APOB: variants seen among roughly 807,000 people sequenced by gnomAD.
The protein encoded by APOB is apolipoprotein B-100.
A neutral mutation model predicts 314.1 loss-of-function variants in APOB; 153 were observed. That is an observed-to-expected ratio of 0.49 (90% CI 0.43 to 0.56). The LOEUF (loss-of-function observed/expected upper bound fraction) is 0.56. Ranked by LOEUF, APOB falls within the 20% of genes least tolerant of loss-of-function variation. The pLI is 0.00. For synonymous variants in APOB, 2,087 were observed against 2,036.4 expected (o/e 1.02, Z -0.67); for missense variants, 5,430 against 5,350.7 (o/e 1.01, Z -0.46).
Position 21,002,394 on chromosome 2 carries a change from T to C in APOB, c.13028A>G (p.Tyr4343Cys), listed in dbSNP as rs1190583196. 6.2e-7 allele frequency: 1 copy of C among 1,601,992 alleles called. No individual in the cohort carries two copies. Among genetic ancestry groups the C allele is most frequent in the Non-Finnish European group, 8.5e-7 (1 of 1,173,962 alleles). The change falls in exon 29 of 29, where the codon TAT (tyrosine) becomes TGT (cysteine). Residue 4343 changes from tyrosine to cysteine, a missense_variant. Tyr to Cys is a radical substitution (Grantham distance 194, BLOSUM62 -2). Coordinates refer to ENST00000233242, the MANE Select transcript of APOB (RefSeq NM_000384.3). The stretch of plus-strand genomic sequence containing the variant: ...GTTTTCTTTCAACAATTTAAAAACA[T>C]ATGGGATATAATCACTGAAGATTGT... ...INTIFSDYIP[Y>C]VFKLLKENLC...
At position 21,009,349 on chromosome 2, in the gene APOB, G is replaced by A; in HGVS notation, c.7519C>T (p.His2507Tyr). 6.2e-7 allele frequency: 1 copy of A among 1,614,054 alleles called. No homozygotes were observed. The highest frequency in any genetic ancestry group is 8.5e-7 in the Non-Finnish European group (1 of 1,179,968). The change falls in exon 26 of 29, where the codon CAC (histidine) becomes TAC (tyrosine). Residue 2507 changes from histidine to tyrosine, a missense_variant. Physicochemically the swap from His to Tyr is moderately conservative, Grantham distance 83 (BLOSUM62 2). This residue lies in a region of APOB where 3,281 missense variants were observed against 3,171.0 expected (regional missense o/e 1.03). Coordinates refer to ENST00000233242, the MANE Select transcript of APOB (RefSeq NM_000384.3). Reference sequence around the variant, plus strand: ...GTCTCTCGGAATTTGGCCTTCATGTGAGCCAAAGATGCTGAACTTAAAGCC... The same window carrying A: ...GTCTCTCGGAATTTGGCCTTCATGTAAGCCAAAGATGCTGAACTTAAAGCC... ...QEALSSASLA[H>Y]MKAKFRETLE...
rs756001082 is a variant in APOB at position 21,035,707 on chromosome 2, G to T, written c.695C>A (p.Thr232Asn). 1.9e-6 allele frequency: 3 copies of T among 1,613,968 alleles called. No homozygotes were observed. The highest frequency in any genetic ancestry group is 2.5e-6 in the Non-Finnish European group (3 of 1,180,004). Reference sequence around the variant, plus strand: ...GCTGATCAGAGTTGACAAGGGGCGGGTCTATGAAAGAGATTGGAGACGAGC... The same window carrying T: ...GCTGATCAGAGTTGACAAGGGGCGGTTCTATGAAAGAGATTGGAGACGAGC... ...ISPLALIKGM[T>N]RPLSTLISSS... is the part of the protein sequence containing the mutation. Residue 232 changes from threonine to asparagine, a missense_variant and splice_region_variant, in exon 7 of 29, where the codon ACC (threonine) becomes AAC (asparagine). By Grantham distance (65) the Thr-to-Asn change is moderately conservative (BLOSUM62 0). Coordinates refer to ENST00000233242, the MANE Select transcript of APOB (RefSeq NM_000384.3).
chr2:21,041,148 C>A, intron 3 of APOB, 65 bp from the exon 4 acceptor site: 1 of 1,547,228 alleles, frequency 6.5e-7, no homozygotes, highest in Non-Finnish European at 8.8e-7. Flanking sequence ...CCCCTGAAGC[C>A]CAGGGCTTAA....
At position 21,011,738 on chromosome 2, in the gene APOB, C is replaced by T; in HGVS notation, c.5130G>A (p.Leu1710=). The stretch of plus-strand genomic sequence containing the variant: ...GAATCATGGCCTGATAAGCACTTCC[C>T]AGTGATAGCTCTGTGAGGGCGGCTT... ...DGKAALTELS[L]GSAYQAMILG... The change falls in exon 26 of 29, where the codon CTG becomes CTA. Residue 1710 remains leucine, a synonymous_variant. Transcript: ENST00000233242. The T allele has an allele frequency of 6.2e-7, 1 of 1,614,104 alleles. No individual in the cohort carries two copies. The highest frequency in any genetic ancestry group is 8.5e-7 in the Non-Finnish European group (1 of 1,180,020).
In APOB at chr2:21,001,550, C is replaced by T. The variant is rs12720763; in HGVS notation, c.*180G>A. 2.1e-4 allele frequency: 130 copies of T among 604,952 alleles called. 1 individual carries two copies. The highest frequency in any genetic ancestry group is 1.4e-3 in the South Asian group (65 of 46,594). 37.5% of individuals were successfully genotyped at this position (604,952 alleles called of 1,614,324 possible). Reference sequence around the variant, plus strand: ...CATCCTTCTGAGTTCAGAGACCTTCCGAGCCCTGGTGCCAGCTTTGGTGCA... The same window carrying T: ...CATCCTTCTGAGTTCAGAGACCTTCTGAGCCCTGGTGCCAGCTTTGGTGCA... On this transcript the variant is annotated 3_prime_UTR_variant, in exon 29 of 29. Coordinates refer to ENST00000233242, the MANE Select transcript of APOB (RefSeq NM_000384.3).
chr2:21,016,676 A>C (rs1021214511), intron 20 of APOB, 27 bp from the exon 21 acceptor site: 9 of 1,461,314 alleles, frequency 6.2e-6, no homozygotes, highest in Non-Finnish European at 8.6e-6. Flanking sequence ...GAGAATCAAG[A>C]GATGTGTGGT....
chr2:21,016,251 G>GCA (rs1663460669), intron 21 of APOB, among the ~76,000 whole-genome samples, 188 bp downstream of exon 21: 1 of 151,704 alleles, frequency 6.6e-6, no homozygotes, highest in Non-Finnish European at 1.5e-5. Context: ...TTGTGCCACT[G>GCA]CACTCCAGCC....
At chr2:21,034,925 T>C in intron 7 of APOB, 24 bp from the exon 8 acceptor site, 3 of 1,160,836 alleles carry the variant, frequency 2.6e-6, no homozygotes, top group Non-Finnish European at 3.9e-6. Context: ...AAGCACACCA[T>C]GTCACGGATG....
At position 21,012,155 on chromosome 2, in the gene APOB, T is replaced by C; in HGVS notation, c.4713A>G (p.Lys1571=). The change falls in exon 26 of 29, where the codon AAA becomes AAG. Residue 1571 remains lysine, a synonymous_variant. Coordinates refer to ENST00000233242, the MANE Select transcript of APOB (RefSeq NM_000384.3). ...LKYENYELTL[K]SDTNGKYKNF... is the part of the protein sequence containing the mutation. ...TCTTATACTTCCCATTGGTGTCAGATTTTAAAGTCAGCTCGTAGTTCTCAT... is the reference window on the plus strand; with the variant it reads ...TCTTATACTTCCCATTGGTGTCAGACTTTAAAGTCAGCTCGTAGTTCTCAT... 2 of 1,601,520 alleles carry C rather than the reference T, an allele frequency of 1.2e-6. No individual in the cohort carries two copies. The highest frequency in any genetic ancestry group is 1.1e-5 in the South Asian group (1 of 89,092).
At position 21,029,883 on chromosome 2, in the gene APOB, A is replaced by C; in HGVS notation, c.1470+15T>G. On this transcript the variant is annotated intron_variant, in intron 11 of 28. Transcript: ENST00000233242. The stretch of plus-strand genomic sequence containing the variant: ...CTTCTGAAATGATGTATGTCATATA[A>C]AAGACTGAGATTACCCGCAGAATCA... 1 of 1,610,210 alleles carries C rather than the reference A, an allele frequency of 6.2e-7. No individual in the cohort carries two copies. The highest frequency in any genetic ancestry group is 8.5e-7 in the Non-Finnish European group (1 of 1,176,832).
At chr2:21,036,546 G>C (rs1050837459) in intron 6 of APOB, among the ~76,000 whole-genome samples, 1 of 152,176 alleles carries the variant, frequency 6.6e-6, no homozygotes, top group Non-Finnish European at 1.5e-5. Flanking sequence ...AGTTAACAGA[G>C]AGGAGAGGGT....
intron 12 of APOB, among the ~76,000 whole-genome samples, chr2:21,028,925 G>A (rs1473308621): frequency 6.6e-6 from 1 of 152,144 alleles, no homozygotes; most frequent in Admixed American, 6.6e-5. Context: ...CAAAGTTCTG[G>A]AGTCTTTGCA....
At chr2:21,041,183 A>C in intron 3 of APOB, 100 bp from the exon 4 acceptor site, 2 of 1,278,724 alleles carry the variant, frequency 1.6e-6, no homozygotes, top group South Asian at 2.5e-5. Flanking sequence ...ACCAAAGGGA[A>C]TGGTGCTGGG....
rs200260789 is a variant in APOB at position 21,002,686 on chromosome 2, A to C, written c.12736T>G (p.Phe4246Val). 4.8e-5 allele frequency: 78 copies of C among 1,613,728 alleles called. No individual in the cohort carries two copies. Among genetic ancestry groups the C allele is most frequent in the Non-Finnish European group, 4.3e-5 (51 of 1,179,900 alleles). Residue 4246 changes from phenylalanine to valine, a missense_variant, in exon 29 of 29, where the codon TTC becomes GTC. This residue lies in a region of APOB where 3,281 missense variants were observed against 3,171.0 expected (regional missense o/e 1.03). Coordinates refer to ENST00000233242, the MANE Select transcript of APOB (RefSeq NM_000384.3). ...HNGSEILFSY[F>V]QDLVITLPFE... ...GGAAGTGTAATCACTAGGTCTTGGA[A>C]ATAGGAAAACAGTATTTCTGAACCA...
Position 21,002,743 on chromosome 2 carries a change from C to G in APOB, c.12679G>C (p.Val4227Leu), listed in dbSNP as rs568054660. 3.1e-6 allele frequency: 5 copies of G among 1,610,878 alleles called. No homozygotes were observed. In the South Asian group the frequency reaches 5.5e-5, roughly 18 times the overall value. Residue 4227 changes from valine (V) to leucine (L), a missense_variant, in exon 29 of 29, where the codon GTA (valine) becomes CTA (leucine). Val to Leu is a conservative substitution (Grantham distance 32). Transcript: ENST00000233242. ...ACTTTCGAATATACCTGGGACAGTA[C>G]CGTCCCTACCTCCCTTATGAACATA... Reference protein sequence around the residue: ...CTMFIREVGTVLSQVYSKVHN... With the variant: ...CTMFIREVGTLLSQVYSKVHN...
Position 21,002,635 on chromosome 2 carries a change from T to G in APOB, c.12787A>C (p.Ile4263Leu), listed in dbSNP as rs751291501. The G allele has an allele frequency of 6.2e-7, 1 of 1,613,794 alleles. No homozygotes were observed. The highest frequency in any genetic ancestry group is 1.3e-5 in the African/African-American group (1 of 74,904). ...TCCCTATACATCGAGATTACATCTA[T>G]TAGTTTATGTTTCCTTAACTCGAAA... ...LPFELRKHKL[I>L]DVISMYRELL... The change falls in exon 29 of 29, where the codon ATA (isoleucine) becomes CTA (leucine). Residue 4263 changes from isoleucine to leucine, a missense_variant. Ile to Leu is a conservative substitution (Grantham distance 5). Coordinates refer to ENST00000233242, the MANE Select transcript of APOB (RefSeq NM_000384.3).
chr2:21,001,633 C>A lies in APOB; in HGVS notation c.*97G>T. 1 of 1,257,536 alleles carries A rather than the reference C, an allele frequency of 8.0e-7. No individual in the cohort carries two copies. Among genetic ancestry groups the A allele is most frequent in the Non-Finnish European group, 1.1e-6 (1 of 874,000 alleles). The allele number at this position is 1,257,536 out of a possible 1,614,324, so 77.9% of individuals were successfully genotyped here. A position where few individuals can be genotyped will look rare whatever the true frequency, so the allele number is the denominator to read the frequency against. On this transcript the variant is annotated 3_prime_UTR_variant, in exon 29 of 29. Coordinates refer to ENST00000233242, the MANE Select transcript of APOB (RefSeq NM_000384.3). ...TACTGCCTACTGCAAGGCTGGCTCA[C>A]TGTATGGTTTTATCAATATAGGCAG... is the stretch of plus-strand genomic sequence containing the variant.
At chr2:21,013,090 T>G in intron 25 of APOB, 70 bp downstream of exon 25, 1 of 1,599,328 alleles carries the variant, frequency 6.3e-7, no homozygotes, top group East Asian at 2.2e-5. Flanking sequence ...CTTTCCTCCC[T>G]GGAGGAGGCT....
In APOB at chr2:21,008,524, T is replaced by G; in HGVS notation, c.8344A>C (p.Thr2782Pro). Reference protein sequence around the residue: ...DANADIGNGTTSANEAGIAAS... With the variant: ...DANADIGNGTPSANEAGIAAS... ...GCGATACCTGCTTCGTTTGCTGAGG[T>G]GGTTCCATTCCCTATGTCAGCATTT... The change falls in exon 26 of 29, where the codon ACC (threonine) becomes CCC (proline). Residue 2782 changes from threonine (T) to proline (P), a missense_variant. Thr to Pro is a conservative substitution (Grantham distance 38). Around this residue, in one of 3 missense-constraint regions of APOB, gnomAD observed 3,281 missense variants for 3,171.0 expected, o/e 1.03. Transcript: ENST00000233242. 3.7e-6 allele frequency: 6 copies of G among 1,614,080 alleles called. No individual in the cohort carries two copies. Among genetic ancestry groups the G allele is most frequent in the Non-Finnish European group, 5.1e-6 (6 of 1,179,962 alleles).
Sources: allele counts gnomAD v4.1 joint callset (sites outside exome capture counted in the v4.1 genomes callset), GRCh38; gene constraint gnomAD v4.1.1; regional missense constraint gnomAD v4.1.1; transcripts MANE v1.5; gene names NCBI Gene and HGNC (gene_info 2026-07-23, HGNC 2026-07-21).